CALN1: variants seen among roughly 807,000 people sequenced by gnomAD.
The protein encoded by CALN1 is calneuron 1.
In CALN1, 17 loss-of-function variants were observed where a neutral mutation model predicts 30.6. The observed-to-expected ratio is 0.56, with a 90% CI of 0.38 to 0.83. The LOEUF is 0.83. Among genes scored for constraint, CALN1 ranks in the 40% least tolerant of loss-of-function variants. CALN1 has a pLI of 0.00. For synonymous variants in CALN1, 156 were observed against 131.4 expected (o/e 1.19, Z -1.28); for missense variants, 291 against 354.9 (o/e 0.82, Z 1.45).
chr7:72,440,923 T>A (rs1808324658), intron 1 of CALN1, among the ~76,000 whole-genome samples: 1 of 152,210 alleles, frequency 6.6e-6, no homozygotes, highest in Non-Finnish European at 1.5e-5. Context: ...CTAAATTGTA[T>A]TTTAGAATAC....
At chr7:72,169,003 A>G (rs927924181) in intron 3 of CALN1, among the ~76,000 whole-genome samples, 1 of 151,710 alleles carries the variant, frequency 6.6e-6, no homozygotes, top group Non-Finnish European at 1.5e-5. Context: ...ACGGGATTTT[A>G]CCATGTTGAC....
chr7:72,028,757 G>A (rs2867566), intron 4 of CALN1, among the ~76,000 whole-genome samples: 32,154 of 152,168 alleles, frequency 0.21, 4,175 homozygotes, highest in Middle Eastern at 0.35. Flanking sequence ...TTGGGAGGCC[G>A]AGATGGGTGG....
chr7:72,399,883 T>A (rs1806222079), intron 2 of CALN1, among the ~76,000 whole-genome samples: 1 of 152,114 alleles, frequency 6.6e-6, no homozygotes, highest in South Asian at 2.1e-4. Flanking sequence ...TGATAATGAG[T>A]GAGTTCTCAC....
chr7:72,041,491 C>T (rs1041655555), intron 4 of CALN1, among the ~76,000 whole-genome samples: 1 of 152,152 alleles, frequency 6.6e-6, no homozygotes, highest in African/African-American at 2.4e-5. Flanking sequence ...TCAAGCAATT[C>T]TCCTGCCTCA....
intron 2 of CALN1, among the ~76,000 whole-genome samples, chr7:72,393,487 C>CT (rs1201730920): frequency 6.6e-6 from 1 of 152,020 alleles, no homozygotes; most frequent in African/African-American, 2.4e-5. Flanking sequence ...AACAAAAAAA[C>CT]TAGCATTCTA....
chr7:72,330,467 A>C (rs1801591793), intron 2 of CALN1, among the ~76,000 whole-genome samples: 1 of 83,478 alleles, frequency 1.2e-5, no homozygotes, highest in Non-Finnish European at 2.0e-5. Flanking sequence ...GACTGTCTCC[A>C]AAAAAAAAAA....
At chr7:72,171,883 C>T (rs1788997198) in intron 3 of CALN1, among the ~76,000 whole-genome samples, 1 of 152,134 alleles carries the variant, frequency 6.6e-6, no homozygotes, top group Non-Finnish European at 1.5e-5. Flanking sequence ...ATTCTTACAA[C>T]CTTTCAAGTA....
the CALN1 span, among the ~76,000 whole-genome samples, chr7:72,499,774 T>TTCCTTCCTTCC: frequency 3.4e-4 from 40 of 118,732 alleles, no homozygotes; most frequent in Middle Eastern, 8.2e-3. Flanking sequence ...ACTTTCTTTC[T>TTCCTTCCTTCC]TTCCTTCCTT....
intron 5 of CALN1, among the ~76,000 whole-genome samples, chr7:71,998,023 C>T (rs111615333): frequency 3.9e-5 from 6 of 152,014 alleles, no homozygotes; most frequent in African/African-American, 9.6e-5. Flanking sequence ...GTTTCACCAT[C>T]TTGGCCAGGC....
chr7:72,466,061 AC>A, the CALN1 span, among the ~76,000 whole-genome samples: 1 of 152,178 alleles, frequency 6.6e-6, no homozygotes, highest in African/African-American at 2.4e-5. Flanking sequence ...GCTGGTGGAT[AC>A]CCTAAAGCTT....
rs1044473243 is a variant in CALN1, at chr7:71,786,495, A to T, written c.*1280T>A. On this transcript the variant is annotated 3_prime_UTR_variant, in exon 7 of 7. Transcript: ENST00000395275. ...ATCCTTGGATTCAGTTCTCTTCCCC[A>T]ACGAAAAGTATTCTGCAGGCAGGAG... 2 of 152,174 alleles carry T rather than the reference A, an allele frequency of 1.3e-5. No homozygotes were observed. Among genetic ancestry groups the T allele is most frequent in the Non-Finnish European group, 2.9e-5 (2 of 68,022 alleles). The allele number at this position is 152,174 out of a possible 1,614,324, so 9.4% of individuals were successfully genotyped here. A position where few individuals can be genotyped will look rare whatever the true frequency, so the allele number is the denominator to read the frequency against.
intron 2 of CALN1, among the ~76,000 whole-genome samples, chr7:72,358,069 G>A (rs1217411190): frequency 3.3e-5 from 5 of 151,632 alleles, no homozygotes; most frequent in Admixed American, 2.6e-4. Context: ...ATAACTCACT[G>A]CAGCCTCAAA....
chr7:71,860,194 ATT>A (rs112576017), intron 5 of CALN1, among the ~76,000 whole-genome samples: 96 of 137,278 alleles, frequency 7.0e-4, no homozygotes, highest in East Asian at 8.5e-4. Context: ...CTTTATTTTC[ATT>A]TTTTTTTTTT....
rs73131472 is a variant in CALN1, at chr7:72,356,571, A to G, written c.119+46680T>C. ...AATGTAAAACTAACAAGGACGACTA[A>G]AATTGTATAATAAGTGCCAATCTCC... On this transcript the variant is annotated intron_variant, in intron 2 of 6. Coordinates refer to ENST00000395275, the MANE Select transcript of CALN1 (RefSeq NM_031468.4). Among the ~76,000 whole-genome samples the G allele has an allele frequency of 3.8e-3, 581 of 152,048 alleles. 4 individuals carry two copies. Among genetic ancestry groups the G allele is most frequent in the Non-Finnish European group, 4.7e-3 (323 of 68,014 alleles).
chr7:71,898,903 T>G (rs984895462), intron 5 of CALN1, among the ~76,000 whole-genome samples: 3 of 152,084 alleles, frequency 2.0e-5, no homozygotes, highest in Non-Finnish European at 4.4e-5. Flanking sequence ...GCTTAGAAAT[T>G]TATTCCAGAA....
intron 5 of CALN1, among the ~76,000 whole-genome samples, chr7:71,938,989 TTGAATGAATGAA>T (rs113675664): frequency 6.6e-6 from 1 of 151,956 alleles, no homozygotes; most frequent in Non-Finnish European, 1.5e-5. Flanking sequence ...GATTGAATGA[TTGAATGAATGAA>T]TGAATGAATC....
rs539575490 is a variant in CALN1 at position 71,839,455 on chromosome 7, C to T, written c.502-28963G>A. 2.6e-5 allele frequency among the ~76,000 whole-genome samples: 4 copies of T among 152,244 alleles called. No homozygotes were observed. In the East Asian group the frequency reaches 7.7e-4, roughly 29 times the overall value. On this transcript the variant is annotated intron_variant, in intron 5 of 6. Transcript: ENST00000395275. ...GCTGAGGCAGGAGATTCGCCTGAAC[C>T]CAGGAGGTGGCAGTTATAGTGAGCC...
At chr7:72,457,764 T>C in the CALN1 span, among the ~76,000 whole-genome samples, 2 of 151,094 alleles carry the variant, frequency 1.3e-5, no homozygotes, top group East Asian at 3.9e-4. Flanking sequence ...ATTCTTTTTT[T>C]TTTTTTTTTG....
chr7:72,068,078 T>C (rs1804144684), intron 4 of CALN1, among the ~76,000 whole-genome samples: 1 of 152,220 alleles, frequency 6.6e-6, no homozygotes, highest in African/African-American at 2.4e-5. Flanking sequence ...CACGTGTTAA[T>C]GCATAAATAT....
Sources: allele counts gnomAD v4.1 joint callset (sites outside exome capture counted in the v4.1 genomes callset), GRCh38; gene constraint gnomAD v4.1.1; transcripts MANE v1.5; gene names NCBI Gene and HGNC (gene_info 2026-07-23, HGNC 2026-07-21).